The following MEGF11 variants were observed in gnomAD, a reference collection of about 807,000 sequenced individuals.
The protein encoded by MEGF11 is multiple EGF like domains 11.
A neutral mutation model predicts 146.6 loss-of-function variants in MEGF11; 126 were observed. The ratio of observed to expected loss-of-function variants is 0.86; its 90% CI spans 0.74 to 1.00. The LOEUF is 1.00. Among genes scored for constraint, MEGF11 ranks in the 50% least tolerant of loss-of-function variants. MEGF11 has a pLI of 0.00. For missense variants in MEGF11, 1,509 were observed against 1,521.2 expected (o/e 0.99, Z 0.13); for synonymous variants, 532 against 583.4 (o/e 0.91, Z 1.27).
intron 4 of MEGF11, among the ~76,000 whole-genome samples, chr15:66,117,401 G>A (rs183472790): frequency 2.2e-4 from 34 of 152,276 alleles, no homozygotes; most frequent in Admixed American, 2.1e-3. Flanking sequence ...GGAGTAAGTC[G>A]GAAGGTATAA....
In MEGF11 at chr15:65,960,162, G is replaced by A. The variant is rs145460899; in HGVS notation, c.1113-2441C>T. On this transcript the variant is annotated intron_variant, in intron 9 of 25. Coordinates refer to ENST00000395614, the MANE Select transcript of MEGF11 (RefSeq NM_001385028.1). ...AAAATATGAAAACGATATAGACATC[G>A]ACAGATTTACCCCAAAATGGCTTTT... Among the ~76,000 whole-genome samples the A allele has an allele frequency of 1.4e-4, 22 of 152,278 alleles. No individual in the cohort carries two copies. The East Asian group carries it at 3.3e-3, about 23-fold the overall frequency.
chr15:66,247,062 G>C (rs12901736), intron 1 of MEGF11, among the ~76,000 whole-genome samples: 21,589 of 152,080 alleles, frequency 0.14, 1,742 homozygotes, highest in Non-Finnish European at 0.19. Context: ...AAAAGCAAGA[G>C]GAAGCAAGTT....
intron 5 of MEGF11, among the ~76,000 whole-genome samples, chr15:66,070,818 C>T (rs1326515870): frequency 6.6e-6 from 1 of 152,204 alleles, no homozygotes; most frequent in East Asian, 1.9e-4. Context: ...ACACCCAGCC[C>T]AGAGTCCACC....
chr15:66,088,823 C>T lies in MEGF11; in HGVS notation c.394+5579G>A, dbSNP rs147187269. On this transcript the variant is annotated intron_variant, in intron 5 of 25. Transcript: ENST00000395614. ...GAGACAGAAAGCAGATTGTTGGTTG[C>T]CAAGGGCCAGGGAAGGGGGCAACGG... Among the ~76,000 whole-genome samples, 193 of 152,152 alleles carry T rather than the reference C, an allele frequency of 1.3e-3. 5 individuals are homozygous for T. The East Asian group carries it at 0.029, about 23-fold the overall frequency.
intron 1 of MEGF11, among the ~76,000 whole-genome samples, chr15:66,252,063 C>G (rs2092378697): frequency 6.6e-6 from 1 of 152,228 alleles, no homozygotes; most frequent in African/African-American, 2.4e-5. Flanking sequence ...GATAATCTCC[C>G]GACAGCACTC....
intron 5 of MEGF11, among the ~76,000 whole-genome samples, chr15:65,990,163 A>G (rs2081983958): frequency 6.6e-6 from 1 of 152,062 alleles, no homozygotes; most frequent in South Asian, 2.1e-4. Context: ...GTGAGCTATG[A>G]CTGTACCACT....
chr15:65,943,021 CT>C (rs2080063136), intron 10 of MEGF11, among the ~76,000 whole-genome samples: 1 of 61,958 alleles, frequency 1.6e-5, no homozygotes, highest in Non-Finnish European at 2.8e-5. Flanking sequence ...GAGTTTTGCT[CT>C]TTTGCCCAGG....
At chr15:66,034,689 G>A (rs892229583) in intron 5 of MEGF11, among the ~76,000 whole-genome samples, 33 of 152,156 alleles carry the variant, frequency 2.2e-4, no homozygotes, top group African/African-American at 6.0e-4. Flanking sequence ...CAAAGTGCTC[G>A]GAATACAGGC....
chr15:65,909,019 G>C lies in MEGF11; in HGVS notation c.2998+15C>G. On this transcript the variant is annotated intron_variant, in intron 23 of 25. Transcript: ENST00000395614. ...GTCTGGCATGAGGGGGTGGAGGGTA[G>C]GGCTGGGGTCTGACCTGGTGAGTGT... 2.0e-6 allele frequency: 3 copies of C among 1,514,304 alleles called. No individual in the cohort carries two copies. In the South Asian group the frequency reaches 3.6e-5, roughly 18 times the overall value. The allele number at this position is 1,514,304 out of a possible 1,614,324, so 93.8% of individuals were successfully genotyped here.
intron 9 of MEGF11, among the ~76,000 whole-genome samples, chr15:65,958,541 C>T (rs1385157038): frequency 6.6e-6 from 1 of 152,190 alleles, no homozygotes; most frequent in Non-Finnish European, 1.5e-5. Context: ...ATCCAGAGGC[C>T]ACATTTCCCC....
chr15:65,974,058 A>G (rs2081376254), intron 7 of MEGF11, among the ~76,000 whole-genome samples: 1 of 152,256 alleles, frequency 6.6e-6, no homozygotes, highest in East Asian at 1.9e-4. Context: ...TATGGAGATC[A>G]AGGATGTTCC....
intron 1 of MEGF11, among the ~76,000 whole-genome samples, chr15:66,251,535 A>G (rs73479615): frequency 0.02 from 3,022 of 152,268 alleles, 95 homozygotes; most frequent in African/African-American, 0.07. Context: ...TTATCCTGGG[A>G]GATGCTCCCA....
chr15:66,016,401 C>T lies in MEGF11; in HGVS notation c.395-33913G>A, dbSNP rs536869527. Among the ~76,000 whole-genome samples, 7 of 151,948 alleles carry T rather than the reference C, an allele frequency of 4.6e-5. No homozygotes were observed. In the South Asian group the frequency reaches 8.3e-4, roughly 18 times the overall value. ...TTATGTGAGATCAGAATCACAACCC[C>T]GAGTTTTCTAACGACCGCAAAACAA... is the stretch of plus-strand genomic sequence containing the variant. On this transcript the variant is annotated intron_variant, in intron 5 of 25. Coordinates refer to ENST00000395614, the MANE Select transcript of MEGF11 (RefSeq NM_001385028.1).
intron 25 of MEGF11, chr15:65,898,502 T>C: frequency 1.0e-6 from 1 of 985,388 alleles, no homozygotes; most frequent in Non-Finnish European, 1.2e-6. Flanking sequence ...AGTATTTGTT[T>C]CATATTAGTC....
chr15:66,180,731 ACT>A (rs1225349704), intron 1 of MEGF11, among the ~76,000 whole-genome samples: 3 of 152,238 alleles, frequency 2.0e-5, no homozygotes, highest in Non-Finnish European at 4.4e-5. Context: ...TCAAAGCCAC[ACT>A]GAGTTTATTT....
intron 7 of MEGF11, among the ~76,000 whole-genome samples, chr15:65,975,739 C>T (rs985920660): frequency 5.3e-5 from 8 of 152,162 alleles, no homozygotes; most frequent in South Asian, 2.1e-4. Context: ...GTTATAAAGA[C>T]GAAGTGAGAT....
intron 9 of MEGF11, among the ~76,000 whole-genome samples, chr15:65,958,235 CCT>C (rs2080727482): frequency 6.6e-6 from 1 of 152,232 alleles, no homozygotes; most frequent in African/African-American, 2.4e-5. Context: ...GATGTGGCCT[CCT>C]CTCTCTGGCA....
intron 10 of MEGF11, among the ~76,000 whole-genome samples, chr15:65,954,272 G>C (rs1175094896): frequency 6.6e-6 from 1 of 152,192 alleles, no homozygotes; most frequent in Non-Finnish European, 1.5e-5. Context: ...CAAAGGCATT[G>C]CTAATTATTA....
intron 4 of MEGF11, among the ~76,000 whole-genome samples, chr15:66,111,673 C>T (rs1015795801): frequency 1.3e-5 from 2 of 152,114 alleles, no homozygotes; most frequent in African/African-American, 2.4e-5. Flanking sequence ...ATGCTACCCA[C>T]CAACCTAGAG....
Sources: gnomAD v4.1 joint callset for allele counts (sites outside exome capture counted in the v4.1 genomes callset) on GRCh38, gnomAD v4.1.1 for gene constraint, MANE v1.5 for transcripts, NCBI Gene and HGNC (gene_info 2026-07-23, HGNC 2026-07-21) for gene names.